Variants in CLTCL1 observed in about 807,000 individuals in gnomAD.
CLTCL1 encodes clathrin heavy chain 2.
CLTCL1 carries 159 observed loss-of-function variants against 190.0 expected under a neutral mutation model. That is an observed-to-expected ratio of 0.84 (90% CI 0.74 to 0.95). The LOEUF (loss-of-function observed/expected upper bound fraction) is 0.95. Among genes scored for constraint, CLTCL1 ranks in the 40% least tolerant of loss-of-function variants. The pLI is 0.00. For synonymous variants in CLTCL1, 752 were observed against 769.6 expected (o/e 0.98, Z 0.38); for missense variants, 1,878 against 2,033.4 (o/e 0.92, Z 1.47).
intron 1 of CLTCL1, among the ~76,000 whole-genome samples, chr22:19,281,825 G>A (rs1275302440): frequency 5.9e-5 from 9 of 152,116 alleles, no homozygotes; most frequent in Non-Finnish European, 8.8e-5. Flanking sequence ...AGCATAGTGG[G>A]TTCTTAAATA....
chr22:19,191,023 G>A (rs928611501), intron 27 of CLTCL1, among the ~76,000 whole-genome samples: 50 of 152,168 alleles, frequency 3.3e-4, no homozygotes, highest in African/African-American at 1.1e-3. Context: ...TGATCCGCCC[G>A]CCTCGGCCTC....
rs1383214017 is a variant in CLTCL1 at position 19,183,273 on chromosome 22, T to C, written c.4827+117A>G. 1.7e-5 allele frequency: 14 copies of C among 816,972 alleles called. No individual in the cohort carries two copies. In the East Asian group the frequency reaches 3.8e-4, roughly 22 times the overall value. 50.6% of individuals were successfully genotyped at this position (816,972 alleles called of 1,614,324 possible). A position where few individuals can be genotyped will look rare whatever the true frequency, so the allele number is the denominator to read the frequency against. On this transcript the variant is annotated intron_variant, in intron 30 of 32. Coordinates refer to ENST00000427926, the MANE Select transcript of CLTCL1 (RefSeq NM_007098.4). The stretch of plus-strand genomic sequence containing the variant: ...ACTCCTGAAGGCAGCCAGGGCTGGC[T>C]GGGGAATCTGGGTTGGCCTCAAAGG...
chr22:19,276,612 C>A (rs2087512718), intron 1 of CLTCL1, among the ~76,000 whole-genome samples: 2 of 152,176 alleles, frequency 1.3e-5, no homozygotes, highest in South Asian at 4.1e-4. Context: ...AAGCTTATTT[C>A]TATAAATTTC....
chr22:19,180,088 C>T (rs2084077902), intron 32 of CLTCL1, 111 bp downstream of exon 32: 1 of 959,528 alleles, frequency 1.0e-6, no homozygotes, highest in African/African-American at 1.6e-5. Context: ...GCCCTTACCA[C>T]CCAGACGCTG....
chr22:19,239,492 G>A (rs1199773983), intron 4 of CLTCL1, 104 bp from the exon 5 acceptor site: 5 of 803,896 alleles, frequency 6.2e-6, no homozygotes. Context: ...CACACTGGAT[G>A]ATTAACGCTA....
intron 23 of CLTCL1, among the ~76,000 whole-genome samples, chr22:19,200,070 A>AG (rs2084832996): frequency 6.6e-6 from 1 of 152,178 alleles, no homozygotes; most frequent in African/African-American, 2.4e-5. Context: ...GAAAGAATAA[A>AG]GTTTGTGCAT....
intron 26 of CLTCL1, among the ~76,000 whole-genome samples, chr22:19,192,699 CTCTTT>C (rs1363164695): frequency 6.6e-6 from 1 of 152,230 alleles, no homozygotes; most frequent in Non-Finnish European, 1.5e-5. Flanking sequence ...CTTTCTCCTT[CTCTTT>C]TCCTTTTGTG....
At chr22:19,274,123 AGCAAACAAAACC>A (rs1392328307) in intron 2 of CLTCL1, among the ~76,000 whole-genome samples, 3 of 152,186 alleles carry the variant, frequency 2.0e-5, no homozygotes, top group Non-Finnish European at 2.9e-5. Context: ...AACACTAAAC[AGCAAACAAAACC>A]GCAAACAACA....
At chr22:19,191,472 T>C (rs1555932144) in intron 26 of CLTCL1, 37 bp from the exon 27 acceptor site, 2 of 1,607,450 alleles carry the variant, frequency 1.2e-6, no homozygotes, top group Non-Finnish European at 1.7e-6. Context: ...TCCCTGCCGC[T>C]GTCTCCAGAT....
intron 29 of CLTCL1, among the ~76,000 whole-genome samples, chr22:19,186,790 A>AG (rs1274037566): frequency 6.6e-6 from 1 of 151,964 alleles, no homozygotes; most frequent in Non-Finnish European, 1.5e-5. Context: ...CAGTAGAGAT[A>AG]GGGTTTCACC....
intron 2 of CLTCL1, chr22:19,258,367 C>T (rs781830826): frequency 1.4e-4 from 61 of 421,248 alleles, no homozygotes; most frequent in Non-Finnish European, 2.0e-4. Flanking sequence ...GTGGTCATCA[C>T]GCAGTCCACC....
Position 19,257,976 on chromosome 22 carries a change from T to C in CLTCL1, c.251-3749A>G, listed in dbSNP as rs150686105. 1.5e-4 allele frequency: 96 copies of C among 652,694 alleles called. 1 individual carries two copies. In the East Asian group the frequency reaches 4.9e-3, roughly 33 times the overall value. 40.4% of individuals were successfully genotyped at this position (652,694 alleles called of 1,614,324 possible). A position where few individuals can be genotyped will look rare whatever the true frequency, so the allele number is the denominator to read the frequency against. On this transcript the variant is annotated intron_variant, in intron 2 of 32. Coordinates refer to ENST00000427926, the MANE Select transcript of CLTCL1 (RefSeq NM_007098.4). The stretch of plus-strand genomic sequence containing the variant: ...TCTGTGGACAATGCCTTCATCGTTC[T>C]GCACACTGACAATGCCCATCTTGCT...
chr22:19,208,180 C>A lies in CLTCL1; in HGVS notation c.3574G>T (p.Gly1192Ter). The A allele has an allele frequency of 1.2e-6, 2 of 1,613,844 alleles. No individual in the cohort carries two copies. Among genetic ancestry groups the A allele is most frequent in the South Asian group, 1.1e-5 (1 of 91,076 alleles). ...TGCTGGATGTGGGCATTGTTGGGTCCATTAATAAAATCTTCTAGCTCAGAA... is the reference window on the plus strand; with the variant it reads ...TGCTGGATGTGGGCATTGTTGGGTCAATTAATAAAATCTTCTAGCTCAGAA... ...RVSELEDFIN[G>*]PNNAHIQQVG... The change falls in exon 22 of 33, where the codon GGA becomes TGA. Residue 1192 changes from glycine to a stop codon, truncating the protein, a stop_gained. Coordinates refer to ENST00000427926, the MANE Select transcript of CLTCL1 (RefSeq NM_007098.4). LOFTEE classifies it high-confidence loss of function.
intron 3 of CLTCL1, among the ~76,000 whole-genome samples, chr22:19,243,716 G>A (rs781874123): frequency 3.1e-4 from 6 of 19,580 alleles, no homozygotes; most frequent in Non-Finnish European, 5.5e-4. Context: ...TTTTTTTTTT[G>A]TGATGGAGTC....
In CLTCL1 at chr22:19,234,691, C is replaced by T. The variant is rs569011592; in HGVS notation, c.985G>A (p.Val329Ile). Reference protein sequence around the residue: ...NKKGQVLSVCVEEDNIVNYAT... With the variant: ...NKKGQVLSVCIEEDNIVNYAT... ...TAATTCACAATGTTATCTTCCTCAA[C>T]ACAAACTGACAGTACCTGTAAGGAC... The change falls in exon 7 of 33, where the codon GTT becomes ATT. Residue 329 changes from valine to isoleucine, a missense_variant. Physicochemically the swap from Val to Ile is conservative, Grantham distance 29. Transcript: ENST00000427926. 3.7e-6 allele frequency: 6 copies of T among 1,613,914 alleles called. No individual in the cohort carries two copies. The highest frequency in any genetic ancestry group is 4.5e-5 in the East Asian group (2 of 44,878).
At chr22:19,279,579 C>A (rs2087635601) in intron 1 of CLTCL1, among the ~76,000 whole-genome samples, 1 of 152,116 alleles carries the variant, frequency 6.6e-6, no homozygotes, top group Non-Finnish European at 1.5e-5. Flanking sequence ...GAAGTCATGC[C>A]AAACCAATCT....
chr22:19,290,659 C>G (rs1169556521), intron 1 of CLTCL1, among the ~76,000 whole-genome samples: 1 of 152,126 alleles, frequency 6.6e-6, no homozygotes, highest in Non-Finnish European at 1.5e-5. Flanking sequence ...AGGCTTTTCC[C>G]GTCTGCATCT....
chr22:19,215,949 C>T (rs1444289546), intron 19 of CLTCL1, among the ~76,000 whole-genome samples, 162 bp downstream of exon 19: 1 of 152,106 alleles, frequency 6.6e-6, no homozygotes, highest in African/African-American at 2.4e-5. Flanking sequence ...AAGGGAAGGG[C>T]TAGATTGAGG....
rs575228706 is a variant in CLTCL1, at chr22:19,249,609, T to C, written c.519+4350A>G. ...TACCTGGAAGGCTGAGATAGGAGAA[T>C]CACTTGAACCCAGGAGGTGGAGGTT... On this transcript the variant is annotated intron_variant, in intron 3 of 32. Transcript: ENST00000427926. Among the ~76,000 whole-genome samples the C allele has an allele frequency of 3.2e-3, 493 of 151,880 alleles. 2 individuals carry two copies. The highest frequency in any genetic ancestry group is 5.5e-3 in the Non-Finnish European group (375 of 67,964).
Sources: gnomAD v4.1 joint callset for allele counts (sites outside exome capture counted in the v4.1 genomes callset) on GRCh38, gnomAD v4.1.1 for gene constraint, MANE v1.5 for transcripts, NCBI Gene and HGNC (gene_info 2026-07-23, HGNC 2026-07-21) for gene names.